Variants in ABCC11 observed in about 807,000 individuals in gnomAD.
The protein encoded by ABCC11 is ATP-binding cassette sub-family C member 11.
Under a neutral mutation model 149.3 loss-of-function variants are expected in ABCC11, and 135 were observed. The ratio of observed to expected loss-of-function variants is 0.90; its 90% CI spans 0.79 to 1.04. The LOEUF is 1.04. ABCC11 is among the 50% of genes least tolerant of loss of function. The pLI, the probability that ABCC11 is intolerant of heterozygous loss-of-function variation, is 0.00. For synonymous variants in ABCC11, 665 were observed against 671.4 expected, an observed-to-expected ratio of 0.99 and a Z score of 0.15; for missense variants, 1,680 against 1,722.1, an observed-to-expected ratio of 0.98 and a Z score of 0.43.
At chr16:48,171,084 T>C in intron 26 of ABCC11, 117 bp from the exon 27 acceptor site, 1 of 910,160 alleles carries the variant, frequency 1.1e-6, no homozygotes, top group Non-Finnish European at 1.7e-6. Flanking sequence ...TTTAGGGAAA[T>C]TCATGGAACC....
Position 48,186,970 on chromosome 16 carries a change from A to G in ABCC11, c.3054T>C (p.Thr1018=), listed in dbSNP as rs779816745. The G allele has an allele frequency of 1.9e-6, 3 of 1,614,184 alleles. No homozygotes were observed. The highest frequency in any genetic ancestry group is 2.5e-6 in the Non-Finnish European group (3 of 1,180,028). ...GLSSIHVYGK[T]EDFISQFKRL... ...GGACTCACTGGCTGATGAAGTCTTC[A>G]GTTTTTCCATAGACATGGATGGAGC... Residue 1018 remains threonine (T), a synonymous_variant, in exon 22 of 30, where the codon ACT becomes ACC. Coordinates refer to ENST00000356608, the MANE Select transcript of ABCC11 (RefSeq NM_001370497.1).
At position 48,187,344 on chromosome 16, in the gene ABCC11, C is replaced by T; in HGVS notation, c.2790G>A (p.Leu930=). 6.2e-7 allele frequency: 1 copy of T among 1,614,164 alleles called. No individual in the cohort carries two copies. The highest frequency in any genetic ancestry group is 2.2e-5 in the East Asian group (1 of 44,880). Residue 930 remains leucine, a synonymous_variant, in exon 21 of 30, where the codon CTG becomes CTA. Coordinates refer to ENST00000356608, the MANE Select transcript of ABCC11 (RefSeq NM_001370497.1). ...LNCFAGDLEQ[L]DQLLPIFSEQ... is the part of the protein sequence containing the mutation. ...CTGAAAAGATGGGCAAGAGCTGGTC[C>T]AGCTGTTCCAAGTCCCCTGCGAAGC...
intron 6 of ABCC11, among the ~76,000 whole-genome samples, chr16:48,219,887 A>C (rs567588313): frequency 2.6e-5 from 4 of 152,304 alleles, no homozygotes; most frequent in African/African-American, 9.6e-5. Flanking sequence ...AGGCTGAGGC[A>C]GGAGAATCGC....
Position 48,195,818 on chromosome 16 carries a change from C to G in ABCC11, c.2404+414G>C, listed in dbSNP as rs190516855. 3.5e-3 allele frequency among the ~76,000 whole-genome samples: 526 copies of G among 152,228 alleles called. 2 individuals are homozygous for G. Among genetic ancestry groups the G allele is most frequent in the Middle Eastern group, 0.014 (4 of 294 alleles). ...TCAGTGCTGCTCATGATAAACTCAG[C>G]TGATTGTAAAACCTGCTAAGGGAGC... On this transcript the variant is annotated intron_variant, in intron 18 of 29. Coordinates refer to ENST00000356608, the MANE Select transcript of ABCC11 (RefSeq NM_001370497.1).
chr16:48,215,426 G>A (rs1303193189), intron 7 of ABCC11, 82 bp from the exon 8 acceptor site: 27 of 1,479,528 alleles, frequency 1.8e-5, no homozygotes, highest in Middle Eastern at 2.4e-4. Flanking sequence ...CCTGGCATAA[G>A]TAGGGCAACT....
chr16:48,209,316 T>A (rs1401064928), intron 11 of ABCC11: 1 of 152,278 alleles, frequency 6.6e-6, no homozygotes. Flanking sequence ...TGTCATGGTA[T>A]AATGCAGCTG....
chr16:48,172,427 CTTTT>C (rs566472502), intron 26 of ABCC11, among the ~76,000 whole-genome samples: 6 of 137,444 alleles, frequency 4.4e-5, no homozygotes, highest in Non-Finnish European at 4.8e-5. Flanking sequence ...CTATGTTTAA[CTTTT>C]TTTTTTTTTT....
At chr16:48,219,516 G>C (rs1306052669) in intron 6 of ABCC11, among the ~76,000 whole-genome samples, 1 of 152,066 alleles carries the variant, frequency 6.6e-6, no homozygotes, top group Non-Finnish European at 1.5e-5. Flanking sequence ...AGTTGCTAAT[G>C]GTGCTAATCT....
chr16:48,174,148 C>G (rs1286242329), intron 26 of ABCC11, among the ~76,000 whole-genome samples: 1 of 152,140 alleles, frequency 6.6e-6, no homozygotes, highest in Non-Finnish European at 1.5e-5. Context: ...TAACAATTAC[C>G]CCTTCATACT....
Position 48,214,165 on chromosome 16 carries a change from T to A in ABCC11, c.1249-615A>T, listed in dbSNP as rs573723624. On this transcript the variant is annotated intron_variant, in intron 9 of 29. Transcript: ENST00000356608. Reference sequence around the variant, plus strand: ...GGCTTCATCCAAAAATGAACTCCAATGGAGCAGGAATGCCTTCGTCTAGAC... The same window carrying A: ...GGCTTCATCCAAAAATGAACTCCAAAGGAGCAGGAATGCCTTCGTCTAGAC... Among the ~76,000 whole-genome samples, 5 of 152,206 alleles carry A rather than the reference T, an allele frequency of 3.3e-5. 1 individual carries two copies. The South Asian group carries it at 1.0e-3, about 32-fold the overall frequency.
At chr16:48,234,377 T>A (rs11861347) in intron 1 of ABCC11, among the ~76,000 whole-genome samples, 19,842 of 152,148 alleles carry the variant, frequency 0.13, 1,579 homozygotes, top group African/African-American at 0.23. Flanking sequence ...ATATAATTTT[T>A]TTTTTATTAA....
intron 15 of ABCC11, among the ~76,000 whole-genome samples, chr16:48,199,671 GATTTTT>G (rs1567511069): frequency 1.2e-5 from 1 of 84,358 alleles, no homozygotes. Context: ...CTTTTTTATT[GATTTTT>G]TTTTTTTTTT....
intron 15 of ABCC11, 113 bp downstream of exon 15, chr16:48,200,163 T>G: frequency 5.1e-6 from 6 of 1,170,890 alleles, no homozygotes; most frequent in Non-Finnish European, 7.2e-6. Context: ...GAGTCTAACC[T>G]GAGATGAGGA....
intron 9 of ABCC11, among the ~76,000 whole-genome samples, chr16:48,214,449 C>T (rs1969174550): frequency 6.6e-6 from 1 of 152,096 alleles, no homozygotes; most frequent in Non-Finnish European, 1.5e-5. Context: ...TTATTCTGCT[C>T]AAAGAGCAGG....
chr16:48,232,002 G>T (rs1030124535), intron 1 of ABCC11, 63 bp from the exon 2 acceptor site: 2 of 1,598,790 alleles, frequency 1.3e-6, no homozygotes, highest in Non-Finnish European at 1.7e-6. Flanking sequence ...CTTAGATCTC[G>T]CCTTGAGCAG....
In ABCC11 at chr16:48,175,252, A is replaced by T. The variant is rs759156028; in HGVS notation, c.3698+6T>A. ...CCTGCAGGCTGCCTGCTGGCCCGGC[A>T]CTCACCTGATGGTTCCTGAGAGCAG... On this transcript the variant is annotated splice_donor_region_variant and intron_variant, in intron 26 of 29. Coordinates refer to ENST00000356608, the MANE Select transcript of ABCC11 (RefSeq NM_001370497.1). The T allele has an allele frequency of 6.2e-7, 1 of 1,602,586 alleles. No homozygotes were observed. The highest frequency in any genetic ancestry group is 8.5e-7 in the Non-Finnish European group (1 of 1,170,598).
intron 1 of ABCC11, chr16:48,244,175 G>A (rs1971185796): frequency 8.2e-6 from 4 of 487,360 alleles, no homozygotes; most frequent in Non-Finnish European, 1.4e-5. Flanking sequence ...TTGAGTGCAC[G>A]TCTTTCCGCA....
chr16:48,216,754 A>G (rs916330307), intron 6 of ABCC11, among the ~76,000 whole-genome samples: 8 of 152,228 alleles, frequency 5.3e-5, no homozygotes, highest in African/African-American at 1.7e-4. Context: ...CTTTTAAGAT[A>G]ACAGAACTGG....
intron 5 of ABCC11, 135 bp from the exon 6 acceptor site, chr16:48,222,966 A>G (rs1029241714): frequency 4.0e-6 from 3 of 754,282 alleles, no homozygotes; most frequent in Non-Finnish European, 4.3e-6. Flanking sequence ...CTCAAGTACA[A>G]TCCTGCCCTC....
Sources: gnomAD v4.1 joint callset for allele counts (sites outside exome capture counted in the v4.1 genomes callset) on GRCh38, gnomAD v4.1.1 for gene constraint, MANE v1.5 for transcripts, NCBI Gene and HGNC (gene_info 2026-07-23, HGNC 2026-07-21) for gene names.